DRC11: variants seen among roughly 807,000 people sequenced by gnomAD.
The protein encoded by DRC11 is dynein regulatory complex subunit 11.
the DRC11 span, among the ~76,000 whole-genome samples, chr2:236,444,505 G>A: frequency 5.3e-5 from 8 of 152,280 alleles, no homozygotes; most frequent in African/African-American, 1.9e-4. Context: ...GGGGTCCTGG[G>A]ACACACTTTG....
At chr2:236,506,339 C>T in the DRC11 span, among the ~76,000 whole-genome samples, 2 of 152,182 alleles carry the variant, frequency 1.3e-5, no homozygotes, top group Non-Finnish European at 2.9e-5. The surrounding 1 kb of genome is among the most constrained non-coding windows in gnomAD (Gnocchi z 4.9). Flanking sequence ...ACATGGGTCT[C>T]GCTCCTGAAC....
At chr2:236,460,747 A>G in the DRC11 span, among the ~76,000 whole-genome samples, 1 of 151,784 alleles carries the variant, frequency 6.6e-6, no homozygotes, top group Non-Finnish European at 1.5e-5. This position sits in a 1 kb window ranked among gnomAD's most constrained non-coding sequence, Gnocchi z 4.0. Flanking sequence ...CTGCAAATAC[A>G]TATTTATTTT....
chr2:236,447,852 C>T, the DRC11 span, among the ~76,000 whole-genome samples: 5 of 120,848 alleles, frequency 4.1e-5, no homozygotes, highest in South Asian at 2.8e-4. The surrounding 1 kb of genome is among the most constrained non-coding windows in gnomAD (Gnocchi z 4.6). Context: ...TTGCCTGTTG[C>T]GGCAATCTGA....
At chr2:236,372,508 C>T in the DRC11 span, among the ~76,000 whole-genome samples, 2 of 152,166 alleles carry the variant, frequency 1.3e-5, no homozygotes, top group Middle Eastern at 3.4e-3. The surrounding 1 kb of genome is among the most constrained non-coding windows in gnomAD (Gnocchi z 4.5). Flanking sequence ...TCAAAGAACA[C>T]GTTTACTTAA....
the DRC11 span, among the ~76,000 whole-genome samples, chr2:236,316,398 G>A: frequency 4.6e-5 from 7 of 152,080 alleles, no homozygotes; most frequent in Admixed American, 4.6e-4. The surrounding 1 kb of genome is among the most constrained non-coding windows in gnomAD (Gnocchi z 6.8). Context: ...CCTGACCTCA[G>A]GTGATCCACC....
At chr2:236,465,274 T>A in the DRC11 span, among the ~76,000 whole-genome samples, 1 of 152,212 alleles carries the variant, frequency 6.6e-6, no homozygotes, top group Non-Finnish European at 1.5e-5. The surrounding 1 kb of genome is among the most constrained non-coding windows in gnomAD (Gnocchi z 6.2). Context: ...TTGGGCTATG[T>A]CATGCACCCA....
chr2:236,363,707 A>T, the DRC11 span: 4 of 1,173,822 alleles, frequency 3.4e-6, no homozygotes, highest in African/African-American at 6.1e-5. This position sits in a 1 kb window ranked among gnomAD's most constrained non-coding sequence, Gnocchi z 5.6. Context: ...TGCCAATGGA[A>T]ATTATCTGCA....
chr2:236,442,114 T>C, the DRC11 span, among the ~76,000 whole-genome samples: 539 of 152,190 alleles, frequency 3.5e-3, 2 homozygotes, highest in African/African-American at 0.012. Context: ...AATAAACAAA[T>C]AATTAAAGCT....
At chr2:236,399,960 G>T in the DRC11 span, among the ~76,000 whole-genome samples, 3 of 151,978 alleles carry the variant, frequency 2.0e-5, no homozygotes, top group East Asian at 5.8e-4. This position sits in a 1 kb window ranked among gnomAD's most constrained non-coding sequence, Gnocchi z 7.0. Flanking sequence ...CAGGCAATCT[G>T]TCCCCCTCAG....
the DRC11 span, among the ~76,000 whole-genome samples, chr2:236,494,394 A>C: frequency 0.067 from 10,241 of 152,236 alleles, 724 homozygotes; most frequent in African/African-American, 0.16. This position sits in a 1 kb window ranked among gnomAD's most constrained non-coding sequence, Gnocchi z 4.2. Flanking sequence ...AGTTTGCTTT[A>C]TTGTGAAACT....
chr2:236,495,320 G>T, the DRC11 span, among the ~76,000 whole-genome samples: 1 of 152,182 alleles, frequency 6.6e-6, no homozygotes, highest in Non-Finnish European at 1.5e-5. The surrounding 1 kb of genome is among the most constrained non-coding windows in gnomAD (Gnocchi z 5.6). Context: ...TCCAGCCTGG[G>T]CAAGAACAGC....
chr2:236,357,880 C>T, the DRC11 span, among the ~76,000 whole-genome samples: 5 of 119,356 alleles, frequency 4.2e-5, no homozygotes, highest in Admixed American at 9.4e-5. Context: ...TATACATATA[C>T]TATATAAATG....
the DRC11 span, among the ~76,000 whole-genome samples, chr2:236,465,222 C>T: frequency 6.6e-6 from 1 of 152,088 alleles, no homozygotes; most frequent in African/African-American, 2.4e-5. This position sits in a 1 kb window ranked among gnomAD's most constrained non-coding sequence, Gnocchi z 6.2. Context: ...TTCTGGGTCC[C>T]CTGACTTTTG....
At chr2:236,493,222 C>T in the DRC11 span, among the ~76,000 whole-genome samples, 3 of 152,264 alleles carry the variant, frequency 2.0e-5, no homozygotes, top group Middle Eastern at 3.4e-3. Flanking sequence ...ACAAGAACGG[C>T]ACAGGAAAGA....
chr2:236,473,879 A>G, the DRC11 span, among the ~76,000 whole-genome samples: 1 of 152,206 alleles, frequency 6.6e-6, no homozygotes, highest in Non-Finnish European at 1.5e-5. The surrounding 1 kb of genome is among the most constrained non-coding windows in gnomAD (Gnocchi z 4.8). Flanking sequence ...TTCAGTTACT[A>G]AATAGTCACT....
the DRC11 span, among the ~76,000 whole-genome samples, chr2:236,419,836 C>A: frequency 6.6e-6 from 1 of 152,300 alleles, no homozygotes; most frequent in South Asian, 2.1e-4. The surrounding 1 kb of genome is among the most constrained non-coding windows in gnomAD (Gnocchi z 4.8). Context: ...AGGATTAGCA[C>A]TACTGGAGAA....
At chr2:236,501,381 G>A in the DRC11 span, among the ~76,000 whole-genome samples, 1 of 152,138 alleles carries the variant, frequency 6.6e-6, no homozygotes, top group African/African-American at 2.4e-5. Flanking sequence ...GGCAGAATTA[G>A]TGACTAATAA....
chr2:236,384,032 T>C, the DRC11 span, among the ~76,000 whole-genome samples: 1 of 152,204 alleles, frequency 6.6e-6, no homozygotes, highest in African/African-American at 2.4e-5. Flanking sequence ...CCATGGTGTA[T>C]ATGTGCCACA....
the DRC11 span, among the ~76,000 whole-genome samples, chr2:236,340,414 G>A: frequency 5.9e-5 from 9 of 152,208 alleles, no homozygotes; most frequent in Admixed American, 2.0e-4. Context: ...GTGAGCCACC[G>A]TGCCTGGCCC....
Sources: allele counts gnomAD v4.1 joint callset (sites outside exome capture counted in the v4.1 genomes callset), GRCh38; gene constraint gnomAD v4.1.1; non-coding constraint Gnocchi (gnomAD v3.1); transcripts MANE v1.5; gene names NCBI Gene and HGNC (gene_info 2026-07-23, HGNC 2026-07-21).